PTN: variants seen among roughly 807,000 people sequenced by gnomAD.
PTN encodes pleiotrophin, also known as heparin affin regulatory protein.
In PTN, 18 loss-of-function variants were observed where a neutral mutation model predicts 24.1. That is an observed-to-expected ratio of 0.75 (90% CI 0.52 to 1.11). The LOEUF is 1.11. Among genes scored for constraint, PTN ranks in the 50% least tolerant of loss-of-function variants. PTN has a pLI of 0.00. For synonymous variants in PTN, 78 were observed against 68.6 expected (o/e 1.14, Z -0.67); for missense variants, 163 against 198.8 (o/e 0.82, Z 1.08).
chr7:137,310,844 T>A (rs1170316375), intron 1 of PTN, among the ~76,000 whole-genome samples: 1 of 152,204 alleles, frequency 6.6e-6, no homozygotes, highest in Non-Finnish European at 1.5e-5. Flanking sequence ...CACTTTTATA[T>A]TATGGAGATG....
At chr7:137,324,305 G>A (rs948209016) in intron 1 of PTN, among the ~76,000 whole-genome samples, 28 of 150,704 alleles carry the variant, frequency 1.9e-4, no homozygotes, top group African/African-American at 5.6e-4. Flanking sequence ...GGAGAAAGAA[G>A]GACCGCCTAA....
At chr7:137,278,981 T>TAATAATAATAATAATAAA (rs1554466684) in intron 1 of PTN, among the ~76,000 whole-genome samples, 57 of 140,428 alleles carry the variant, frequency 4.1e-4, no homozygotes, top group African/African-American at 5.7e-4. Context: ...ATAATAATAA[T>TAATAATAATAATAATAAA]AAAATAAAGA....
At chr7:137,303,488 T>G (rs943130668) in intron 1 of PTN, among the ~76,000 whole-genome samples, 1 of 151,970 alleles carries the variant, frequency 6.6e-6, no homozygotes, top group African/African-American at 2.4e-5. Context: ...AGTACTATCC[T>G]AGCATATAAA....
chr7:137,245,444 G>T (rs111583429), intron 4 of PTN, among the ~76,000 whole-genome samples: 2,350 of 152,266 alleles, frequency 0.015, 70 homozygotes, highest in African/African-American at 0.055. Flanking sequence ...TGGTGATGCG[G>T]ATGTAAATAA....
At chr7:137,256,195 T>C (rs1015887732) in intron 1 of PTN, among the ~76,000 whole-genome samples, 1 of 152,200 alleles carries the variant, frequency 6.6e-6, no homozygotes, top group Admixed American at 6.5e-5. Context: ...AATTTATTTA[T>C]TTTTAATTTT....
At chr7:137,255,664 C>T (rs1036624318) in intron 1 of PTN, among the ~76,000 whole-genome samples, 4 of 152,180 alleles carry the variant, frequency 2.6e-5, no homozygotes, top group Admixed American at 2.6e-4. Context: ...ATGGTGAAGT[C>T]TTTACACTCA....
intron 1 of PTN, among the ~76,000 whole-genome samples, chr7:137,280,719 A>AAAAAAAAAAAAAAAAAAAAAAAAC: frequency 7.2e-6 from 1 of 137,952 alleles, no homozygotes; most frequent in East Asian, 2.0e-4. Context: ...AAAAAAAAAA[A>AAAAAAAAAAAAAAAAAAAAAAAAC]AAAAAAGCTG....
intron 1 of PTN, among the ~76,000 whole-genome samples, chr7:137,307,289 T>C (rs1809904460): frequency 6.6e-6 from 1 of 152,058 alleles, no homozygotes; most frequent in African/African-American, 2.4e-5. Flanking sequence ...ACAATCTAAG[T>C]TTCTTTTTAG....
intron 1 of PTN, among the ~76,000 whole-genome samples, chr7:137,298,852 A>G (rs911948656): frequency 1.3e-5 from 2 of 151,986 alleles, no homozygotes; most frequent in East Asian, 3.9e-4. Flanking sequence ...TAATATAGCC[A>G]GGGATTCAGA....
At chr7:137,236,766 T>C (rs1808529093) in intron 4 of PTN, among the ~76,000 whole-genome samples, 1 of 152,288 alleles carries the variant, frequency 6.6e-6, no homozygotes, top group Middle Eastern at 3.4e-3. Flanking sequence ...ATTTGCCTTA[T>C]TATAAACTAT....
chr7:137,334,961 C>T (rs1810421388), intron 1 of PTN, among the ~76,000 whole-genome samples: 1 of 145,484 alleles, frequency 6.9e-6, no homozygotes, highest in Non-Finnish European at 1.5e-5. Flanking sequence ...CCAAACACTA[C>T]ATGTTCTCAC....
intron 1 of PTN, among the ~76,000 whole-genome samples, chr7:137,270,204 T>A (rs1262595425): frequency 2.0e-5 from 3 of 152,210 alleles, no homozygotes; most frequent in Non-Finnish European, 4.4e-5. Context: ...CAGAATGTCA[T>A]GAAGTACAAG....
chr7:137,250,750 G>C (rs34067748), intron 4 of PTN, among the ~76,000 whole-genome samples: 1 of 152,108 alleles, frequency 6.6e-6, no homozygotes, highest in African/African-American at 2.4e-5. Flanking sequence ...AAATATAAAG[G>C]CTCTGAAAAC....
At chr7:137,333,875 A>G (rs1438423228) in intron 1 of PTN, among the ~76,000 whole-genome samples, 1 of 152,212 alleles carries the variant, frequency 6.6e-6, no homozygotes, top group Non-Finnish European at 1.5e-5. Flanking sequence ...CAGAGCCCTC[A>G]GAAATAACAC....
chr7:137,261,411 T>C (rs1809035598), intron 1 of PTN, among the ~76,000 whole-genome samples: 1 of 152,166 alleles, frequency 6.6e-6, no homozygotes. Flanking sequence ...ATATAAATAT[T>C]AAACCCACCA....
chr7:137,297,998 C>T (rs932144793), intron 1 of PTN, among the ~76,000 whole-genome samples: 1 of 151,990 alleles, frequency 6.6e-6, no homozygotes, highest in Non-Finnish European at 1.5e-5. Context: ...TTATTGTTCA[C>T]GTGTCAGAAA....
chr7:137,277,886 G>C (rs1386882673), intron 1 of PTN, among the ~76,000 whole-genome samples: 3 of 1,384 alleles, frequency 2.2e-3, no homozygotes, highest in Non-Finnish European at 4.1e-3. Context: ...TATATATGTA[G>C]ATAGATAGAT....
At chr7:137,237,100 T>G (rs1276021229) in intron 4 of PTN, among the ~76,000 whole-genome samples, 1 of 152,172 alleles carries the variant, frequency 6.6e-6, no homozygotes, top group East Asian at 1.9e-4. Flanking sequence ...CATACTGAAC[T>G]CCTAACCCTT....
chr7:137,324,815 G>A (rs1810231612), intron 1 of PTN: 1 of 152,006 alleles, frequency 6.6e-6, no homozygotes, highest in Admixed American at 6.6e-5. Context: ...TACTAAAATG[G>A]ATCTCACAGA....
Sources: gnomAD v4.1 joint callset for allele counts (sites outside exome capture counted in the v4.1 genomes callset) on GRCh38, gnomAD v4.1.1 for gene constraint, MANE v1.5 for transcripts, NCBI Gene and HGNC (gene_info 2026-07-23, HGNC 2026-07-21) for gene names.